The following STXBP5 variants were observed in gnomAD, a reference collection of about 807,000 sequenced individuals.
STXBP5 encodes syntaxin-binding protein 5.
Under a neutral mutation model 152.4 loss-of-function variants are expected in STXBP5, and 50 were observed. That is an observed-to-expected ratio of 0.33 (90% CI 0.26 to 0.42). The LOEUF (loss-of-function observed/expected upper bound fraction) is 0.42, where lower values mean the gene tolerates loss of function less well. STXBP5 is among the 10% of genes least tolerant of loss of function. The pLI is 1.00. For synonymous variants in STXBP5, 492 were observed against 494.7 expected (o/e 0.99, Z 0.07); for missense variants, 1,167 against 1,388.6 (o/e 0.84, Z 2.54).
intron 9 of STXBP5, among the ~76,000 whole-genome samples, chr6:147,295,759 C>T (rs1234657991): frequency 6.6e-6 from 1 of 152,202 alleles, no homozygotes; most frequent in Non-Finnish European, 1.5e-5. Context: ...GCCCTGAGCC[C>T]AGTTTGTAGA....
At chr6:147,256,506 G>A (rs1779373552) in intron 4 of STXBP5, among the ~76,000 whole-genome samples, 1 of 152,074 alleles carries the variant, frequency 6.6e-6, no homozygotes, top group African/African-American at 2.4e-5. Flanking sequence ...CCCAGATATA[G>A]GTACCACAAA....
intron 2 of STXBP5, among the ~76,000 whole-genome samples, chr6:147,212,967 G>A (rs1432839301): frequency 6.6e-6 from 1 of 152,042 alleles, no homozygotes; most frequent in Non-Finnish European, 1.5e-5. Context: ...TTAAATGTCA[G>A]GATGTAAAAT....
chr6:147,271,030 A>G (rs570600232), intron 7 of STXBP5, among the ~76,000 whole-genome samples: 60 of 152,340 alleles, frequency 3.9e-4, no homozygotes, highest in African/African-American at 1.3e-3. Context: ...GATTTTAAAA[A>G]TATTCAATCC....
At chr6:147,248,891 A>T (rs1243171603) in intron 4 of STXBP5, among the ~76,000 whole-genome samples, 2 of 152,154 alleles carry the variant, frequency 1.3e-5, no homozygotes, top group African/African-American at 4.8e-5. Context: ...AAAGGCTCAG[A>T]GTGTGAGAAG....
At chr6:147,267,739 G>T (rs1779964607) in intron 7 of STXBP5, among the ~76,000 whole-genome samples, 1 of 151,766 alleles carries the variant, frequency 6.6e-6, no homozygotes, top group Non-Finnish European at 1.5e-5. Flanking sequence ...ATTTACTGAG[G>T]CTTGATCAAA....
In STXBP5 at chr6:147,310,089, CT is replaced by C; in HGVS notation, c.927del (p.Phe309LeufsTer13). 1.3e-6 allele frequency: 2 copies of C among 1,534,568 alleles called. No individual in the cohort carries two copies. Among genetic ancestry groups the C allele is most frequent in the South Asian group, 1.3e-5 (1 of 77,442 alleles). On this transcript the variant is annotated frameshift_variant, in exon 10 of 28. Transcript: ENST00000321680. LOFTEE classifies it high-confidence loss of function. ...VEFKTTRSGE[P>X]FIILSGGLSY... ...AATATGTATTTTATTTCCAGGGAGCCTTTTATTATTTTATCAGGAGGTTTGT... is the reference window on the plus strand; with the variant it reads ...AATATGTATTTTATTTCCAGGGAGCCTTTATTATTTTATCAGGAGGTTTGT...
chr6:147,346,354 G>A (rs1784329173), intron 21 of STXBP5, among the ~76,000 whole-genome samples: 2 of 152,184 alleles, frequency 1.3e-5, no homozygotes, highest in Admixed American at 6.5e-5. Context: ...AGGTTCTCCA[G>A]AGATGGGTCT....
chr6:147,218,353 T>G lies in STXBP5; in HGVS notation c.248+12285T>G, dbSNP rs1428920497. On this transcript the variant is annotated intron_variant, in intron 2 of 27. Coordinates refer to ENST00000321680, the MANE Select transcript of STXBP5 (RefSeq NM_001127715.4). ...TCTTCGTGTAGATCTTGTACATATT[T>G]GTTAGATTTATATTTAAGTATTTCA... Among the ~76,000 whole-genome samples the G allele has an allele frequency of 4.7e-5, 6 of 127,026 alleles. No homozygotes were observed. The Admixed American group carries it at 4.9e-4, about 10-fold the overall frequency. 83.3% of individuals were successfully genotyped at this position (127,026 alleles called of 152,430 possible).
chr6:147,354,846 C>T (rs1340468981), intron 22 of STXBP5, among the ~76,000 whole-genome samples: 1 of 152,176 alleles, frequency 6.6e-6, no homozygotes, highest in Non-Finnish European at 1.5e-5. Context: ...ATACCTGTAA[C>T]ATTCCTGTGT....
chr6:147,221,269 A>G (rs1777447410), intron 2 of STXBP5, among the ~76,000 whole-genome samples: 1 of 152,096 alleles, frequency 6.6e-6, no homozygotes, highest in African/African-American at 2.4e-5. Flanking sequence ...ATGTAAACAT[A>G]CATAAACTGG....
chr6:147,303,078 T>G (rs1359281205), intron 9 of STXBP5, among the ~76,000 whole-genome samples: 1 of 152,190 alleles, frequency 6.6e-6, no homozygotes, highest in East Asian at 1.9e-4. Flanking sequence ...CTGTGTATAC[T>G]TTAAAGAAGT....
intron 2 of STXBP5, among the ~76,000 whole-genome samples, chr6:147,227,607 G>A (rs1177869371): frequency 6.6e-5 from 10 of 151,922 alleles, no homozygotes; most frequent in Admixed American, 6.6e-4. Flanking sequence ...AGTTAATTCT[G>A]TATTTCTTGC....
chr6:147,272,457 T>G (rs1780220405), intron 7 of STXBP5, among the ~76,000 whole-genome samples: 1 of 152,176 alleles, frequency 6.6e-6, no homozygotes, highest in East Asian at 1.9e-4. Context: ...GTAAACTGAG[T>G]AAAAATTTCT....
rs182014377 is a variant in STXBP5, at chr6:147,217,547, G to C, written c.248+11479G>C. Among the ~76,000 whole-genome samples, 7 of 152,138 alleles carry C rather than the reference G, an allele frequency of 4.6e-5. No individual in the cohort carries two copies. The East Asian group carries it at 1.3e-3, about 29-fold the overall frequency. On this transcript the variant is annotated intron_variant, in intron 2 of 27. Transcript: ENST00000321680. ...GTGATGACAAATATAATTCATTTTT[G>C]CCTCTTCAAAAACAGTCCTAACTCC... is the stretch of plus-strand genomic sequence containing the variant.
chr6:147,261,714 G>T (rs1370063740), intron 5 of STXBP5, among the ~76,000 whole-genome samples: 2 of 151,878 alleles, frequency 1.3e-5, no homozygotes, highest in African/African-American at 4.8e-5. Flanking sequence ...GCAGGTGTCT[G>T]TATAGTTTCA....
intron 9 of STXBP5, among the ~76,000 whole-genome samples, chr6:147,300,564 A>G (rs1172024103): frequency 6.6e-6 from 1 of 152,084 alleles, no homozygotes; most frequent in African/African-American, 2.4e-5. Context: ...TTGGAAGGAC[A>G]TTCTTTTCAA....
intron 26 of STXBP5, among the ~76,000 whole-genome samples, chr6:147,374,466 A>C (rs191071601): frequency 2.3e-4 from 35 of 152,314 alleles, no homozygotes; most frequent in African/African-American, 8.2e-4. Context: ...AGTTCAATGA[A>C]ATTTTTTTAA....
intron 4 of STXBP5, among the ~76,000 whole-genome samples, chr6:147,245,846 G>C (rs139285477): frequency 6.6e-6 from 1 of 152,244 alleles, no homozygotes; most frequent in African/African-American, 2.4e-5. Context: ...GATAGCTGCC[G>C]ATACCAGCAA....
At chr6:147,311,997 C>A (rs545148159) in intron 11 of STXBP5, among the ~76,000 whole-genome samples, 2 of 152,270 alleles carry the variant, frequency 1.3e-5, no homozygotes, top group Middle Eastern at 6.8e-3. Context: ...ACATCTGCTA[C>A]TCCAAACAGT....
Sources: gnomAD v4.1 joint callset for allele counts (sites outside exome capture counted in the v4.1 genomes callset) on GRCh38, gnomAD v4.1.1 for gene constraint, MANE v1.5 for transcripts, NCBI Gene and HGNC (gene_info 2026-07-23, HGNC 2026-07-21) for gene names.